The following POLE variants were observed in gnomAD, a reference collection of about 807,000 sequenced individuals.
POLE encodes DNA polymerase epsilon catalytic subunit A.
In POLE, 188 loss-of-function variants were observed where a neutral mutation model predicts 279.2. The ratio of observed to expected loss-of-function variants is 0.67; its 90% confidence interval spans 0.60 to 0.76. The LOEUF (loss-of-function observed/expected upper bound fraction) is 0.76, where lower values mean the gene tolerates loss of function less well. Ranked by LOEUF, POLE falls within the 30% of genes least tolerant of loss-of-function variation. POLE has a pLI of 0.00. For synonymous variants in POLE, 1,214 were observed against 1,172.5 expected (o/e 1.04, Z -0.72); for missense variants, 2,703 against 3,016.7 (o/e 0.90, Z 2.44).
In POLE at chr12:132,648,239, G is replaced by A. The variant is rs1468025512; in HGVS notation, c.4149+690C>T. On this transcript the variant is annotated intron_variant, in intron 32 of 48. Transcript: ENST00000320574. ...TCAAATGCCCAAACAGGCAAACCCA[G>A]AGACAGGAAGTGGATCAGTGGCTAC... Among the ~76,000 whole-genome samples the A allele has an allele frequency of 2.0e-5, 3 of 152,068 alleles. No individual in the cohort carries two copies. The East Asian group carries it at 5.8e-4, about 29-fold the overall frequency.
In POLE at chr12:132,672,257, T is replaced by C. The variant is rs2135990532; in HGVS notation, c.1752A>G (p.Glu584=). 6.2e-7 allele frequency: 1 copy of C among 1,614,202 alleles called. No homozygotes were observed. The highest frequency in any genetic ancestry group is 8.5e-7 in the Non-Finnish European group (1 of 1,179,994). ...VEKTLRHALE[E]EEKVPVEQVT... ...CTTGCTCCACAGGCACTTTCTCCTC[T>C]TCCTCAAGGGCGTGGCGCAAGGTCT... The change falls in exon 16 of 49, where the codon GAA becomes GAG. Residue 584 remains glutamate, a synonymous_variant. Transcript: ENST00000320574.
Position 132,668,270 on chromosome 12 carries a change from T to A in POLE, c.2173+86A>T. ...GTGACAACACCTCTGGGGCCCCAGC[T>A]GGGATGGACCAACGCAGCCCAGTAA... On this transcript the variant is annotated intron_variant, in intron 19 of 48. Coordinates refer to ENST00000320574, the MANE Select transcript of POLE (RefSeq NM_006231.4). This position sits in a 1 kb window ranked among gnomAD's most constrained non-coding sequence, Gnocchi z 4.0. 6.8e-7 allele frequency: 1 copy of A among 1,464,756 alleles called. No homozygotes were observed. Among genetic ancestry groups the A allele is most frequent in the Non-Finnish European group, 9.0e-7 (1 of 1,106,458 alleles). 90.7% of individuals were successfully genotyped at this position (1,464,756 alleles called of 1,614,324 possible).
At chr12:132,629,012 G>A (rs536812960) in intron 45 of POLE, among the ~76,000 whole-genome samples, 2 of 152,278 alleles carry the variant, frequency 1.3e-5, no homozygotes, top group African/African-American at 4.8e-5. Flanking sequence ...GTTCCATCAG[G>A]GGAATCACTA....
In POLE at chr12:132,624,947, G is replaced by C; in HGVS notation, c.6705C>G (p.Tyr2235Ter). 1 of 1,614,080 alleles carries C rather than the reference G, an allele frequency of 6.2e-7. No homozygotes were observed. Among genetic ancestry groups the C allele is most frequent in the African/African-American group, 1.3e-5 (1 of 75,058 alleles). The change falls in exon 48 of 49, where the codon TAC becomes TAG. Residue 2235 changes from tyrosine (Y) to a stop codon, truncating the protein, a stop_gained. Transcript: ENST00000320574. LOFTEE classifies it high-confidence loss of function. ...GGGCGAAGTCTCCCGCGCAGCTGCA[G>C]TACACAGGCATGCTGGTCTCCTTCA... is the stretch of plus-strand genomic sequence containing the variant. ...RGVKETSMPV[Y>*]CSCAGDFALT...
At chr12:132,671,233 A>AGCCCAG (rs1565969392) in intron 16 of POLE, among the ~76,000 whole-genome samples, 3 of 128,742 alleles carry the variant, frequency 2.3e-5, no homozygotes, top group African/African-American at 9.2e-5. Context: ...ATTGCACTCC[A>AGCCCAG]GTGTGGGTGA....
intron 29 of POLE, chr12:132,650,406 G>A (rs1401567420): frequency 1.9e-5 from 3 of 158,392 alleles, no homozygotes; most frequent in Non-Finnish European, 4.2e-5. Context: ...CTTGAGCCCA[G>A]GAGTTTGAGA....
At chr12:132,662,573 C>G (rs2042703372) in intron 23 of POLE, among the ~76,000 whole-genome samples, 1 of 152,174 alleles carries the variant, frequency 6.6e-6, no homozygotes, top group Admixed American at 6.5e-5. Context: ...CTATGAGAGA[C>G]TGGAAGCTAT....
At chr12:132,669,322 G>A (rs563057796) in intron 16 of POLE, among the ~76,000 whole-genome samples, 3 of 152,090 alleles carry the variant, frequency 2.0e-5, no homozygotes, top group Non-Finnish European at 2.9e-5. Flanking sequence ...AAAATTAGCC[G>A]TGTGTGGCGG....
intron 12 of POLE, among the ~76,000 whole-genome samples, chr12:132,674,445 A>G (rs1218004771): frequency 1.3e-5 from 2 of 152,024 alleles, no homozygotes; most frequent in Admixed American, 6.6e-5. Context: ...GGTGGTCTTC[A>G]GGGCCCCCAT....
intron 41 of POLE, among the ~76,000 whole-genome samples, chr12:132,636,454 A>C (rs1217894160): frequency 6.6e-6 from 1 of 150,658 alleles, no homozygotes; most frequent in Admixed American, 6.6e-5. Context: ...AAAAAAAAAA[A>C]AAAAAAAAAA....
intron 32 of POLE, among the ~76,000 whole-genome samples, chr12:132,647,507 T>C (rs1346854517): frequency 6.6e-6 from 1 of 151,160 alleles, no homozygotes; most frequent in East Asian, 1.9e-4. Flanking sequence ...ATAGAGTTCA[T>C]TTCTACCTGA....
chr12:132,673,125 T>G, intron 14 of POLE, 39 bp downstream of exon 14: 1 of 1,312,708 alleles, frequency 7.6e-7, no homozygotes, highest in Non-Finnish European at 1.1e-6. Context: ...GGGCAAGGGC[T>G]GAGGAGGCCA....
chr12:132,659,210 C>G, intron 26 of POLE, 85 bp downstream of exon 26: 1 of 1,375,714 alleles, frequency 7.3e-7, no homozygotes, highest in Non-Finnish European at 1.0e-6. Flanking sequence ...ATGAGGGGAG[C>G]CCTCACCTCT....
Position 132,658,955 on chromosome 12 carries a change from G to A in POLE, c.3275+340C>T, listed in dbSNP as rs768567932. ...GTTTTACATACACGGAGGCATAAGG[G>A]TCTTCCTTCAACCTGATTTTTGCTT... On this transcript the variant is annotated intron_variant, in intron 26 of 48. Coordinates refer to ENST00000320574, the MANE Select transcript of POLE (RefSeq NM_006231.4). 3.4e-5 allele frequency among the ~76,000 whole-genome samples: 5 copies of A among 148,976 alleles called. No individual in the cohort carries two copies. The Admixed American group carries it at 3.4e-4, about 10-fold the overall frequency.
At chr12:132,646,559 G>GC (rs1565943079) in intron 32 of POLE, among the ~76,000 whole-genome samples, 4 of 150,066 alleles carry the variant, frequency 2.7e-5, no homozygotes. Flanking sequence ...GGGGCCGGGC[G>GC]CCATGGTTCA....
intron 29 of POLE, among the ~76,000 whole-genome samples, chr12:132,654,345 T>C (rs2042488091): frequency 6.6e-6 from 1 of 152,078 alleles, no homozygotes; most frequent in Non-Finnish European, 1.5e-5. Context: ...AGAGCTGGGA[T>C]TACAGGTGTG....
At position 132,624,666 on chromosome 12, in the gene POLE, G is replaced by T. The variant is rs560094297; in HGVS notation, c.*31C>A. The stretch of plus-strand genomic sequence containing the variant: ...GCCTTGGCATCAGGAGGCCTGGCAC[G>T]GACGCAGAGGCACCCGGGGCCCGGG... On this transcript the variant is annotated 3_prime_UTR_variant, in exon 49 of 49. Transcript: ENST00000320574. The T allele has an allele frequency of 4.7e-6, 6 of 1,289,918 alleles. No homozygotes were observed. The South Asian group carries it at 7.1e-5, about 15-fold the overall frequency. The allele number at this position is 1,289,918 out of a possible 1,614,324, so 79.9% of individuals were successfully genotyped here.
chr12:132,658,638 G>A (rs2042603704), intron 26 of POLE: 1 of 153,444 alleles, frequency 6.5e-6, no homozygotes, highest in Non-Finnish European at 1.4e-5. Context: ...TTCACTGGAG[G>A]AAACATCTGT....
chr12:132,679,408 T>C (rs747527626), intron 6 of POLE, 89 bp downstream of exon 6: 29 of 1,302,790 alleles, frequency 2.2e-5, no homozygotes, highest in Non-Finnish European at 2.9e-5. Context: ...AGCCAGCCAT[T>C]AAGGTAACTT....
Sources: gnomAD v4.1 joint callset for allele counts (sites outside exome capture counted in the v4.1 genomes callset) on GRCh38, gnomAD v4.1.1 for gene constraint, Gnocchi (gnomAD v3.1) non-coding constraint, MANE v1.5 for transcripts, NCBI Gene and HGNC (gene_info 2026-07-23, HGNC 2026-07-21) for gene names.